Variants in ANKRD12 observed in about 807,000 individuals in gnomAD.
ANKRD12 encodes the protein ankyrin repeat domain-containing protein 12.
In ANKRD12, 85 loss-of-function variants were observed where a neutral mutation model predicts 183.4. The observed-to-expected ratio is 0.46, with a 90% CI of 0.39 to 0.56. The LOEUF is 0.56. Ranked by LOEUF, ANKRD12 falls within the 20% of genes least tolerant of loss-of-function variation. ANKRD12 has a pLI of 0.00. For synonymous variants in ANKRD12, 914 were observed against 800.2 expected, an observed-to-expected ratio of 1.14 and a Z score of -2.40; for missense variants, 2,405 against 2,357.1, an observed-to-expected ratio of 1.02 and a Z score of -0.42.
chr18:9,229,563 G>C (rs976123256), intron 8 of ANKRD12, among the ~76,000 whole-genome samples: 3 of 151,988 alleles, frequency 2.0e-5, no homozygotes, highest in East Asian at 1.9e-4. Context: ...TGTTTGTTTT[G>C]ATAGCTATTG....
intron 8 of ANKRD12, among the ~76,000 whole-genome samples, chr18:9,237,384 A>G (rs2037406830): frequency 6.6e-6 from 1 of 152,214 alleles, no homozygotes; most frequent in South Asian, 2.1e-4. Flanking sequence ...TACAAAATTT[A>G]CCATCACAAA....
rs2040121393 is a variant in ANKRD12 at position 9,282,048 on chromosome 18, C to T, written c.*922C>T. On this transcript the variant is annotated 3_prime_UTR_variant, in exon 13 of 13. Coordinates refer to ENST00000262126, the MANE Select transcript of ANKRD12 (RefSeq NM_015208.5). ...AAGAAACTTAGCTCTTTTTTCATCT[C>T]ACAGTAAAGCCTATTTCCCCAGGAA... is the stretch of plus-strand genomic sequence containing the variant. 6.6e-6 allele frequency: 1 copy of T among 152,500 alleles called. No homozygotes were observed. Among genetic ancestry groups the T allele is most frequent in the African/African-American group, 2.4e-5 (1 of 41,412 alleles). The allele number at this position is 152,500 out of a possible 1,614,324, so 9.4% of individuals were successfully genotyped here.
chr18:9,263,303 A>G (rs1295955631), intron 9 of ANKRD12, among the ~76,000 whole-genome samples: 2 of 152,206 alleles, frequency 1.3e-5, no homozygotes, highest in Admixed American at 6.5e-5. Flanking sequence ...GTTTGAAAAC[A>G]ATTTCTCAGA....
chr18:9,235,648 C>T (rs1187397487), intron 8 of ANKRD12: 1 of 456,114 alleles, frequency 2.2e-6, no homozygotes, highest in African/African-American at 2.0e-5. Flanking sequence ...GATCCAGCTA[C>T]CAATTTGCAG....
intron 1 of ANKRD12, among the ~76,000 whole-genome samples, chr18:9,157,577 G>GTATATATATATATATATATA (rs1439951194): frequency 6.1e-5 from 7 of 114,456 alleles, no homozygotes; most frequent in Non-Finnish European, 1.0e-4. Flanking sequence ...GTGTGTGTGT[G>GTATATATATATATATATATA]TGTGTGTGTA....
intron 8 of ANKRD12, among the ~76,000 whole-genome samples, chr18:9,252,524 CT>C (rs1367748394): frequency 4.6e-5 from 7 of 152,254 alleles, no homozygotes; most frequent in Middle Eastern, 3.4e-3. Context: ...ACATTCTTTC[CT>C]TTTAAAAAAG....
At chr18:9,171,338 A>G (rs1021917165) in intron 1 of ANKRD12, among the ~76,000 whole-genome samples, 22 of 152,106 alleles carry the variant, frequency 1.4e-4, no homozygotes, top group African/African-American at 2.4e-5. Flanking sequence ...CATGAAATGG[A>G]TTTCTTGAAG....
In ANKRD12 at chr18:9,255,676, A is replaced by G. The variant is rs1306068309; in HGVS notation, c.2409A>G (p.Glu803=). Residue 803 remains glutamate (E), a synonymous_variant, in exon 9 of 13, where the codon GAA becomes GAG. Coordinates refer to ENST00000262126, the MANE Select transcript of ANKRD12 (RefSeq NM_015208.5). ...IEESIGLHLV[E]KEIDIEKQEK... is the part of the protein sequence containing the mutation. ...AATCTATAGGGCTTCATTTAGTGGA[A>G]AAGGAAATAGACATTGAAAAACAAG... 1 of 1,590,920 alleles carries G rather than the reference A, an allele frequency of 6.3e-7. No individual in the cohort carries two copies. Among genetic ancestry groups the G allele is most frequent in the Non-Finnish European group, 8.5e-7 (1 of 1,174,064 alleles).
At chr18:9,246,787 A>G (rs1228885697) in intron 8 of ANKRD12, among the ~76,000 whole-genome samples, 2 of 152,202 alleles carry the variant, frequency 1.3e-5, no homozygotes, top group African/African-American at 4.8e-5. Context: ...CATGCATGGT[A>G]TATGTGCCAG....
chr18:9,155,668 T>C (rs556148769), intron 1 of ANKRD12, among the ~76,000 whole-genome samples: 9 of 152,328 alleles, frequency 5.9e-5, no homozygotes, highest in African/African-American at 2.2e-4. Flanking sequence ...GTCATGTCAT[T>C]ATTTTATAGT....
rs200225970 is a variant in ANKRD12, at chr18:9,208,716, C to A, written c.364C>A (p.Pro122Thr). 6.2e-7 allele frequency: 1 copy of A among 1,611,050 alleles called. No individual in the cohort carries two copies. The highest frequency in any genetic ancestry group is 1.7e-5 in the Admixed American group (1 of 59,796). Residue 122 changes from proline to threonine, a missense_variant, in exon 5 of 13, where the codon CCA becomes ACA. This residue lies in a region of ANKRD12 where 145 missense variants were observed against 145.6 expected (regional missense o/e 1.00). Transcript: ENST00000262126. ...GGAAGCTGGAAATAAGAAATCCACA[C>A]CAGTTAGCATTCTTTTTGGTTATCC... ...KKEAGNKKSTPVSILFGYPLS... is the reference protein window; with the variant it reads ...KKEAGNKKSTTVSILFGYPLS...
rs151000968 is a variant in ANKRD12 at position 9,182,055 on chromosome 18, C to T, written c.-51-327C>T. The stretch of plus-strand genomic sequence containing the variant: ...TGACTTCCAAACCAACACAAAACTA[C>T]AAGGGCATCGATTAGGAGCTCCCAT... On this transcript the variant is annotated intron_variant, in intron 1 of 12. Transcript: ENST00000262126. 9.2e-5 allele frequency among the ~76,000 whole-genome samples: 14 copies of T among 152,270 alleles called. No homozygotes were observed. In the East Asian group the frequency reaches 2.5e-3, roughly 27 times the overall value.
At chr18:9,161,670 C>T (rs1313272114) in intron 1 of ANKRD12, among the ~76,000 whole-genome samples, 1 of 151,918 alleles carries the variant, frequency 6.6e-6, no homozygotes, top group Non-Finnish European at 1.5e-5. Context: ...GCCACTGCAC[C>T]TGACCTCTTT....
In ANKRD12 at chr18:9,167,292, A is replaced by G. The variant is rs887129349; in HGVS notation, c.-51-15090A>G. Among the ~76,000 whole-genome samples the G allele has an allele frequency of 6.4e-3, 972 of 152,288 alleles. 7 individuals are homozygous for G. The highest frequency in any genetic ancestry group is 0.017 in the Middle Eastern group (5 of 294). On this transcript the variant is annotated intron_variant, in intron 1 of 12. Transcript: ENST00000262126. Reference sequence around the variant, plus strand: ...GCTTGATGGGGATGGCATTGAATCTATAAATTACCTTGGGCAGTATGGCCG... The same window carrying G: ...GCTTGATGGGGATGGCATTGAATCTGTAAATTACCTTGGGCAGTATGGCCG...
intron 11 of ANKRD12, among the ~76,000 whole-genome samples, chr18:9,277,756 A>G (rs1397503711): frequency 2.9e-5 from 4 of 137,704 alleles, no homozygotes; most frequent in Non-Finnish European, 6.5e-5. Flanking sequence ...GATAAGATTT[A>G]AAATAGATGA....
Position 9,263,956 on chromosome 18 carries a change from T to A in ANKRD12, c.5763+68T>A, listed in dbSNP as rs1598744562. On this transcript the variant is annotated intron_variant, in intron 10 of 12. Transcript: ENST00000262126. ...TTTCTAGCAATAAATTAAAATGGCC[T>A]ATAATTTTTTATTAGTGGATTTTTA... is the stretch of plus-strand genomic sequence containing the variant. 4 of 1,140,846 alleles carry A rather than the reference T, an allele frequency of 3.5e-6. No individual in the cohort carries two copies. The South Asian group carries it at 9.1e-5, about 26-fold the overall frequency. 70.7% of individuals were successfully genotyped at this position (1,140,846 alleles called of 1,614,324 possible). A position where few individuals can be genotyped will look rare whatever the true frequency, so the allele number is the denominator to read the frequency against.
At position 9,194,659 on chromosome 18, in the gene ANKRD12, A is replaced by G. The variant is rs964666305; in HGVS notation, c.88-892A>G. Among the ~76,000 whole-genome samples, 4 of 152,188 alleles carry G rather than the reference A, an allele frequency of 2.6e-5. No individual in the cohort carries two copies. The East Asian group carries it at 5.8e-4, about 22-fold the overall frequency. ...AGGCATGAGCCACCACACCCAGCCA[A>G]TTTTATTTTTTAAATAAAATACCAT... On this transcript the variant is annotated intron_variant, in intron 2 of 12. Coordinates refer to ENST00000262126, the MANE Select transcript of ANKRD12 (RefSeq NM_015208.5).
At chr18:9,279,691 A>G in intron 12 of ANKRD12, 47 bp downstream of exon 12, 1 of 404,960 alleles carries the variant, frequency 2.5e-6, no homozygotes, top group Non-Finnish European at 3.8e-6. Context: ...CCCCCTTCTT[A>G]AAAAAAAAAA....
At chr18:9,280,845 G>A (rs2040080528) in intron 12 of ANKRD12, 96 bp from the exon 13 acceptor site, 1 of 1,099,152 alleles carries the variant, frequency 9.1e-7, no homozygotes, top group Non-Finnish European at 1.3e-6. Context: ...CTCCTGATGT[G>A]TCCATTTTAG....
Sources: allele counts gnomAD v4.1 joint callset (sites outside exome capture counted in the v4.1 genomes callset), GRCh38; gene constraint gnomAD v4.1.1; regional missense constraint gnomAD v4.1.1; transcripts MANE v1.5; gene names NCBI Gene and HGNC (gene_info 2026-07-23, HGNC 2026-07-21).